Variants in JARID2 observed in about 807,000 individuals in gnomAD.
JARID2 encodes the protein jumonji and AT-rich interaction domain containing 2, also known as protein Jumonji.
In JARID2, 21 loss-of-function variants were observed where a neutral mutation model predicts 125.6. The observed-to-expected ratio is 0.17, with a 90% CI of 0.12 to 0.24. The LOEUF is 0.24. JARID2 is among the 10% of genes least tolerant of loss of function. JARID2 has a pLI of 1.00. For missense variants in JARID2, 1,303 were observed against 1,639.6 expected, an observed-to-expected ratio of 0.79 and a Z score of 3.55; for synonymous variants, 736 against 661.6, an observed-to-expected ratio of 1.11 and a Z score of -1.73.
chr6:15,489,860 C>T (rs1037789707), intron 6 of JARID2, among the ~76,000 whole-genome samples: 4 of 152,350 alleles, frequency 2.6e-5, no homozygotes, highest in Admixed American at 2.0e-4. Flanking sequence ...GTCACCCTTT[C>T]CCCACTTTCT....
At chr6:15,398,018 A>G (rs1042184266) in intron 2 of JARID2, among the ~76,000 whole-genome samples, 11 of 152,220 alleles carry the variant, frequency 7.2e-5, no homozygotes, top group African/African-American at 2.7e-4. Context: ...AAGGCCACGG[A>G]TGGATCTTAG....
At chr6:15,298,602 C>A (rs1174715870) in intron 1 of JARID2, among the ~76,000 whole-genome samples, 2 of 151,588 alleles carry the variant, frequency 1.3e-5, no homozygotes, top group Non-Finnish European at 2.9e-5. Context: ...ATTGCTTGAA[C>A]CCAGGAGGCA....
chr6:15,275,062 T>C (rs1760443662), intron 1 of JARID2, among the ~76,000 whole-genome samples: 1 of 152,176 alleles, frequency 6.6e-6, no homozygotes, highest in Non-Finnish European at 1.5e-5. Context: ...TCTGTTTTGT[T>C]GGGTTACCTC....
chr6:15,333,206 G>A (rs993759936), intron 1 of JARID2, among the ~76,000 whole-genome samples: 11 of 152,064 alleles, frequency 7.2e-5, no homozygotes, highest in Admixed American at 2.6e-4. Context: ...TGCTGGGATT[G>A]CAGGCATGAG....
chr6:15,413,396 A>T (rs1765990321), intron 3 of JARID2, among the ~76,000 whole-genome samples: 1 of 152,192 alleles, frequency 6.6e-6, no homozygotes, highest in Admixed American at 6.5e-5. Flanking sequence ...CTAAAAATTC[A>T]TATTGTTGTA....
intron 7 of JARID2, among the ~76,000 whole-genome samples, chr6:15,497,943 G>A (rs1256366885): frequency 6.6e-6 from 1 of 152,172 alleles, no homozygotes; most frequent in Non-Finnish European, 1.5e-5. Context: ...CTACCTCTAT[G>A]TGTGTCTGTG....
chr6:15,445,201 A>C (rs1318990019), intron 3 of JARID2, among the ~76,000 whole-genome samples: 1 of 152,176 alleles, frequency 6.6e-6, no homozygotes, highest in Non-Finnish European at 1.5e-5. Context: ...ATGCCCAGGA[A>C]GCTTCTAAAT....
In JARID2 at chr6:15,497,155, G is replaced by A; in HGVS notation, c.1930G>A (p.Glu644Lys). 1.3e-6 allele frequency: 2 copies of A among 1,549,630 alleles called. No individual in the cohort carries two copies. The highest frequency in any genetic ancestry group is 2.4e-5 in the South Asian group (2 of 84,028). The stretch of plus-strand genomic sequence containing the variant: ...CAAATCTCAGGGCATCACCATGGAC[G>A]AGCTCCCGCTCATAGGTAGGTCTGG... ...HLKSQGITMDELPLIGGCELD... is the reference protein window; with the variant it reads ...HLKSQGITMDKLPLIGGCELD... The change falls in exon 7 of 18, where the codon GAG (glutamate) becomes AAG (lysine). Residue 644 changes from glutamate (E) to lysine (K), a missense_variant. Glu to Lys is a moderately conservative substitution (Grantham distance 56). Transcript: ENST00000341776.
rs1771268643 is a variant in JARID2, at chr6:15,511,320, G to A, written c.2871G>A (p.Glu957=). The A allele has an allele frequency of 6.2e-7, 1 of 1,613,676 alleles. No individual in the cohort carries two copies. Among genetic ancestry groups the A allele is most frequent in the Non-Finnish European group, 8.5e-7 (1 of 1,179,794 alleles). The change falls in exon 13 of 18, where the codon GAG becomes GAA. Residue 957 remains glutamate, a synonymous_variant. Coordinates refer to ENST00000341776, the MANE Select transcript of JARID2 (RefSeq NM_004973.4). ...GGTATTGCATTCCTGCTGAGGAGGA[G>A]AACAAGCTGGAAGATGTGGTCCACA... ...CIWYCIPAEE[E]NKLEDVVHTL...
chr6:15,442,991 G>T (rs553220120), intron 3 of JARID2, among the ~76,000 whole-genome samples: 1 of 152,020 alleles, frequency 6.6e-6, no homozygotes, highest in Non-Finnish European at 1.5e-5. Context: ...TTTTATTTGG[G>T]AAAAAGTTCA....
chr6:15,314,675 T>A (rs939855715), intron 1 of JARID2, among the ~76,000 whole-genome samples: 1 of 152,146 alleles, frequency 6.6e-6, no homozygotes, highest in Non-Finnish European at 1.5e-5. Flanking sequence ...GGAGGAAACT[T>A]GCCTTGGAAC....
chr6:15,350,191 G>A (rs1207011447), intron 1 of JARID2, among the ~76,000 whole-genome samples: 1 of 152,134 alleles, frequency 6.6e-6, no homozygotes, highest in Non-Finnish European at 1.5e-5. Flanking sequence ...CATCAGTAAC[G>A]TCACAGAATC....
intron 7 of JARID2, 39 bp downstream of exon 7, chr6:15,497,209 T>G (rs1293070650): frequency 3.5e-6 from 5 of 1,428,948 alleles, no homozygotes; most frequent in South Asian, 1.3e-5. Flanking sequence ...GTGCCTGCCC[T>G]CCTGCCCCCA....
rs564141491 is a variant in JARID2, at chr6:15,496,058, C to A, written c.907-74C>A. 6.2e-6 allele frequency: 8 copies of A among 1,282,596 alleles called. No homozygotes were observed. The South Asian group carries it at 6.9e-5, about 11-fold the overall frequency. The allele number at this position is 1,282,596 out of a possible 1,614,324, so 79.5% of individuals were successfully genotyped here. On this transcript the variant is annotated intron_variant, in intron 6 of 17. Transcript: ENST00000341776. The stretch of plus-strand genomic sequence containing the variant: ...CCCCAGCATCCAGGGTCCTTTCTCA[C>A]GGGTGGGCCGGTCATTTTAGTGGCA...
chr6:15,326,227 G>A (rs569627354), intron 1 of JARID2, among the ~76,000 whole-genome samples: 3 of 151,918 alleles, frequency 2.0e-5, no homozygotes, highest in Non-Finnish European at 2.9e-5. Context: ...CATTTTTTTG[G>A]GGGGTGGAAG....
intron 1 of JARID2, among the ~76,000 whole-genome samples, chr6:15,264,932 A>C (rs1760027015): frequency 6.6e-6 from 1 of 152,170 alleles, no homozygotes; most frequent in South Asian, 2.1e-4. Flanking sequence ...TGTGCAAAAA[A>C]GGCTTCTGTT....
Position 15,520,320 on chromosome 6 carries a change from T to G in JARID2, c.*69T>G. On this transcript the variant is annotated 3_prime_UTR_variant, in exon 18 of 18. Coordinates refer to ENST00000341776, the MANE Select transcript of JARID2 (RefSeq NM_004973.4). ...TTATTATATTCTAGTTTGGAGTACTTGCTGTAGGATTCAAGCTGTCTTTGC... is the reference window on the plus strand; with the variant it reads ...TTATTATATTCTAGTTTGGAGTACTGGCTGTAGGATTCAAGCTGTCTTTGC... The G allele has an allele frequency of 4.2e-6, 5 of 1,192,562 alleles. No individual in the cohort carries two copies. The highest frequency in any genetic ancestry group is 5.7e-6 in the Non-Finnish European group (5 of 878,720). 73.9% of individuals were successfully genotyped at this position (1,192,562 alleles called of 1,614,324 possible).
chr6:15,355,118 T>A (rs148490587), intron 1 of JARID2, among the ~76,000 whole-genome samples: 2 of 152,326 alleles, frequency 1.3e-5, no homozygotes, highest in Admixed American at 1.3e-4. Flanking sequence ...GAGAAAACCT[T>A]ACACATTCCC....
At chr6:15,409,054 C>T (rs1765767716) in intron 2 of JARID2, among the ~76,000 whole-genome samples, 1 of 152,184 alleles carries the variant, frequency 6.6e-6, no homozygotes, top group Non-Finnish European at 1.5e-5. Flanking sequence ...GAAATGCAAG[C>T]AGAAACAAGC....
Sources: allele counts gnomAD v4.1 joint callset (sites outside exome capture counted in the v4.1 genomes callset), GRCh38; gene constraint gnomAD v4.1.1; transcripts MANE v1.5; gene names NCBI Gene and HGNC (gene_info 2026-07-23, HGNC 2026-07-21).